SPAG16: variants seen among roughly 807,000 people sequenced by gnomAD.
SPAG16 encodes sperm-associated antigen 16 protein.
In SPAG16, 86 loss-of-function variants were observed where a neutral mutation model predicts 80.4. The observed-to-expected ratio is 1.07, with a 90% CI of 0.90 to 1.28. The LOEUF (loss-of-function observed/expected upper bound fraction) is 1.28, where lower values mean the gene tolerates loss of function less well. Ranked by LOEUF, SPAG16 falls within the 50% of genes most tolerant of loss-of-function variation. The pLI is 0.00. For synonymous variants in SPAG16, 294 were observed against 265.9 expected (o/e 1.11, Z -1.03); for missense variants, 870 against 765.3 (o/e 1.14, Z -1.61).
intron 5 of SPAG16, among the ~76,000 whole-genome samples, chr2:213,326,795 A>G (rs559465156): frequency 2.6e-5 from 4 of 152,082 alleles, no homozygotes; most frequent in South Asian, 4.1e-4. Flanking sequence ...AATCCAATAA[A>G]CTCATTATTA....
chr2:213,592,503 T>C (rs541776678), intron 10 of SPAG16, among the ~76,000 whole-genome samples: 4 of 152,328 alleles, frequency 2.6e-5, no homozygotes, highest in African/African-American at 9.6e-5. Context: ...TTTTTAAAAC[T>C]AAATATATAT....
At chr2:213,902,566 C>T (rs1559568176) in intron 11 of SPAG16, among the ~76,000 whole-genome samples, 1 of 152,176 alleles carries the variant, frequency 6.6e-6, no homozygotes, top group South Asian at 2.1e-4. Context: ...TTATCTCCCA[C>T]CAGGTCTCTC....
intron 9 of SPAG16, among the ~76,000 whole-genome samples, chr2:213,469,177 A>G (rs1165404858): frequency 6.6e-6 from 1 of 152,132 alleles, no homozygotes; most frequent in African/African-American, 2.4e-5. Context: ...ACTTGAACCC[A>G]TACACATGTC....
chr2:214,333,888 G>A (rs755132959), intron 15 of SPAG16, among the ~76,000 whole-genome samples: 1 of 152,184 alleles, frequency 6.6e-6, no homozygotes, highest in Non-Finnish European at 1.5e-5. Flanking sequence ...CATGTACTGC[G>A]GCAGTGGCAT....
At chr2:214,137,258 A>G (rs766664368) in intron 14 of SPAG16, among the ~76,000 whole-genome samples, 10 of 152,134 alleles carry the variant, frequency 6.6e-5, no homozygotes, top group Non-Finnish European at 1.3e-4. Context: ...ACAATTTTGC[A>G]TGCTGCTATT....
At chr2:213,600,594 T>C (rs2061028316) in intron 10 of SPAG16, among the ~76,000 whole-genome samples, 2 of 152,224 alleles carry the variant, frequency 1.3e-5, no homozygotes, top group South Asian at 4.1e-4. Context: ...GTTACCAACT[T>C]TCTCCATCCA....
intron 9 of SPAG16, among the ~76,000 whole-genome samples, chr2:213,394,290 G>C (rs1299946969): frequency 4.0e-5 from 6 of 151,850 alleles, no homozygotes; most frequent in Admixed American, 3.9e-4. Flanking sequence ...AATTAACATT[G>C]ATAAAATACT....
chr2:213,575,553 A>G (rs969622563), intron 10 of SPAG16, among the ~76,000 whole-genome samples: 4 of 152,116 alleles, frequency 2.6e-5, no homozygotes, highest in African/African-American at 9.7e-5. Context: ...GATTTTGTGT[A>G]TCCCTTTTCC....
chr2:214,383,297 G>A (rs571723955), intron 15 of SPAG16, among the ~76,000 whole-genome samples: 5 of 152,252 alleles, frequency 3.3e-5, no homozygotes, highest in Non-Finnish European at 7.4e-5. Context: ...ACTACACTGG[G>A]CACAGTGGCT....
At chr2:213,943,088 C>T (rs568965262) in intron 12 of SPAG16, among the ~76,000 whole-genome samples, 1 of 152,316 alleles carries the variant, frequency 6.6e-6, no homozygotes, top group Admixed American at 6.5e-5. Flanking sequence ...GCCACCTCAT[C>T]TTAGATTTCC....
rs869276304 is a variant in SPAG16 at position 213,869,280 on chromosome 2, T to TATATATATACAC, written c.1214+6652_1214+6653insATATATATACAC. On this transcript the variant is annotated intron_variant, in intron 11 of 15. Transcript: ENST00000331683. ...AAAAAAAAAAATATATATATATATA[T>TATATATATACAC]GTATATATATATGTATATATATATA... Among the ~76,000 whole-genome samples the TATATATATACAC allele has an allele frequency of 9.9e-3, 1,109 of 112,310 alleles. 15 individuals carry two copies. The highest frequency in any genetic ancestry group is 0.038 in the East Asian group (159 of 4,184). The allele number at this position is 112,310 out of a possible 152,430, so 73.7% of individuals were successfully genotyped here. A position where few individuals can be genotyped will look rare whatever the true frequency, so the allele number is the denominator to read the frequency against.
Position 214,193,434 on chromosome 2 carries a change from A to T in SPAG16, c.1720+44168A>T, listed in dbSNP as rs906430203. ...GTGTGTGTGTGTGTGTATGAGAGAG[A>T]GAGAGAGAGAGAGAGAGAGAGAGAG... On this transcript the variant is annotated intron_variant, in intron 15 of 15. Coordinates refer to ENST00000331683, the MANE Select transcript of SPAG16 (RefSeq NM_024532.5). Among the ~76,000 whole-genome samples, 163 of 125,714 alleles carry T rather than the reference A, an allele frequency of 1.3e-3. 1 individual carries two copies. The South Asian group carries it at 0.013, about 10-fold the overall frequency. The allele number at this position is 125,714 out of a possible 152,430, so 82.5% of individuals were successfully genotyped here. A position where few individuals can be genotyped will look rare whatever the true frequency, so the allele number is the denominator to read the frequency against.
chr2:213,794,165 C>G (rs980933378), intron 10 of SPAG16, among the ~76,000 whole-genome samples: 1 of 152,066 alleles, frequency 6.6e-6, no homozygotes, highest in African/African-American at 2.4e-5. Flanking sequence ...TTAGAACTCT[C>G]TTAATATCGG....
chr2:213,611,150 C>T (rs1240881070), intron 10 of SPAG16, among the ~76,000 whole-genome samples: 1 of 152,132 alleles, frequency 6.6e-6, no homozygotes, highest in African/African-American at 2.4e-5. Context: ...GGTAGTCATG[C>T]TGTGGTTCTC....
intron 13 of SPAG16, among the ~76,000 whole-genome samples, chr2:214,075,099 C>A (rs932640596): frequency 2.0e-5 from 3 of 151,514 alleles, no homozygotes; most frequent in Admixed American, 1.3e-4. Context: ...ACATTATAAT[C>A]TTTTAAACAT....
intron 9 of SPAG16, among the ~76,000 whole-genome samples, chr2:213,418,201 C>T (rs2069378866): frequency 6.6e-6 from 1 of 152,144 alleles, no homozygotes; most frequent in Non-Finnish European, 1.5e-5. Context: ...AACATGTATA[C>T]ACATATATGC....
At chr2:213,967,303 T>C (rs1202166349) in intron 12 of SPAG16, among the ~76,000 whole-genome samples, 1 of 152,172 alleles carries the variant, frequency 6.6e-6, no homozygotes, top group Non-Finnish European at 1.5e-5. Flanking sequence ...AGTCTACAAA[T>C]CTATTTATCT....
intron 11 of SPAG16, among the ~76,000 whole-genome samples, chr2:213,916,663 C>A (rs1168899812): frequency 6.6e-6 from 1 of 152,158 alleles, no homozygotes; most frequent in Non-Finnish European, 1.5e-5. Flanking sequence ...TTCCCACCTG[C>A]TCCCCCCATG....
rs374274176 is a variant in SPAG16, at chr2:213,980,725, T to TATATATATATAG, written c.1401-33225_1401-33224insTATATATATAGA. Among the ~76,000 whole-genome samples, 155 of 103,972 alleles carry TATATATATATAG rather than the reference T, an allele frequency of 1.5e-3. 1 individual carries two copies. Among genetic ancestry groups the TATATATATATAG allele is most frequent in the Admixed American group, 0.011 (102 of 9,298 alleles). The allele number at this position is 103,972 out of a possible 152,430, so 68.2% of individuals were successfully genotyped here. ...GTGTGTGTGTGTGTATATATATATA[T>TATATATATATAG]AGAGAGAGAGAGAGAGAGAGAGAGA... On this transcript the variant is annotated intron_variant, in intron 12 of 15. Coordinates refer to ENST00000331683, the MANE Select transcript of SPAG16 (RefSeq NM_024532.5).
Sources: gnomAD v4.1 joint callset for allele counts (sites outside exome capture counted in the v4.1 genomes callset) on GRCh38, gnomAD v4.1.1 for gene constraint, MANE v1.5 for transcripts, NCBI Gene and HGNC (gene_info 2026-07-23, HGNC 2026-07-21) for gene names.